Variants in SLC2A9 observed in about 807,000 individuals in gnomAD.
The protein encoded by SLC2A9 is solute carrier family 2 member 9.
In SLC2A9, 39 loss-of-function variants were observed where a neutral mutation model predicts 50.6. That is an observed-to-expected ratio of 0.77 (90% CI 0.60 to 1.01). SLC2A9 has a LOEUF of 1.01. Ranked by LOEUF, SLC2A9 falls within the 50% of genes least tolerant of loss-of-function variation. The pLI is 0.00. For synonymous variants in SLC2A9, 324 were observed against 276.9 expected (o/e 1.17, Z -1.69); for missense variants, 686 against 677.6 (o/e 1.01, Z -0.14).
chr4:9,953,242 G>A (rs1358216638), intron 5 of SLC2A9, among the ~76,000 whole-genome samples: 1 of 152,236 alleles, frequency 6.6e-6, no homozygotes, highest in East Asian at 1.9e-4. Flanking sequence ...GCCATGGGTA[G>A]GAGGTAGAGA....
At chr4:10,003,280 G>T (rs77591295) in intron 2 of SLC2A9, among the ~76,000 whole-genome samples, 1 of 152,322 alleles carries the variant, frequency 6.6e-6, no homozygotes, top group African/African-American at 2.4e-5. Context: ...CCTCAGTAAT[G>T]ACTGGCTTCC....
rs549209329 is a variant in SLC2A9 at position 9,911,493 on chromosome 4, G to T, written c.1003-3148C>A. Reference sequence around the variant, plus strand: ...GAAACTTAAGAGTGCATCCTGCCCCGGAGCCCCGCCAGCCCCCACGGTGTG... The same window carrying T: ...GAAACTTAAGAGTGCATCCTGCCCCTGAGCCCCGCCAGCCCCCACGGTGTG... On this transcript the variant is annotated intron_variant, in intron 7 of 11. Transcript: ENST00000264784. Among the ~76,000 whole-genome samples, 4 of 152,190 alleles carry T rather than the reference G, an allele frequency of 2.6e-5. No homozygotes were observed. In the South Asian group the frequency reaches 8.3e-4, roughly 32 times the overall value.
At chr4:9,772,177 C>T (rs1716911670) in intron 1 of SLC2A9, among the ~76,000 whole-genome samples, 3 of 152,120 alleles carry the variant, frequency 2.0e-5, no homozygotes, top group Admixed American at 2.0e-4. Context: ...GACATCAGCA[C>T]TGAGAGACCT....
chr4:10,009,543 T>G (rs1207153688), intron 2 of SLC2A9: 1 of 152,226 alleles, frequency 6.6e-6, no homozygotes, highest in Non-Finnish European at 1.5e-5. Flanking sequence ...TTGAGTCAAC[T>G]TAATTGCTCT....
chr4:9,841,097 C>T (rs1728006469), intron 10 of SLC2A9, among the ~76,000 whole-genome samples: 3 of 152,214 alleles, frequency 2.0e-5, no homozygotes, highest in Non-Finnish European at 4.4e-5. Flanking sequence ...GGACACAGAA[C>T]CAAATCATAT....
chr4:9,953,282 T>A (rs1289016899), intron 5 of SLC2A9, among the ~76,000 whole-genome samples: 1 of 152,216 alleles, frequency 6.6e-6, no homozygotes, highest in Non-Finnish European at 1.5e-5. Flanking sequence ...GTGCTTCTCC[T>A]GAGGTAACAT....
At position 9,782,474 on chromosome 4, in the gene SLC2A9, A is replaced by G. The variant is rs575640830; in HGVS notation, n.386-2409T>C. 29 of 1,613,918 alleles carry G rather than the reference A, an allele frequency of 1.8e-5. No individual in the cohort carries two copies. The African/African-American group carries it at 3.6e-4, about 20-fold the overall frequency. ...GGCCATCTCCAGGCCCTTCCGCTAC[A>G]AGCGCAAGATGACTCAGCGCATGGC... On this transcript the variant is annotated intron_variant and non_coding_transcript_variant, in intron 3 of 3. Coordinates refer to the SLC2A9 transcript ENST00000503803.
At position 9,783,437 on chromosome 4, in the gene SLC2A9, C is replaced by T. The variant is rs779829910; in HGVS notation, n.386-3372G>A. 11 of 1,611,186 alleles carry T rather than the reference C, an allele frequency of 6.8e-6. No homozygotes were observed. The highest frequency in any genetic ancestry group is 9.3e-6 in the Non-Finnish European group (11 of 1,178,106). ...GGAGATTTCTTTAGACAAAATAACA[C>T]CTTTCACCCCGAATGGATTCCATTA... On this transcript the variant is annotated intron_variant and non_coding_transcript_variant, in intron 3 of 3. Transcript: ENST00000503803.
At chr4:9,985,154 C>T (rs1756499600) in intron 4 of SLC2A9, among the ~76,000 whole-genome samples, 1 of 152,136 alleles carries the variant, frequency 6.6e-6, no homozygotes, top group African/African-American at 2.4e-5. Flanking sequence ...CTAGGACATG[C>T]TACTGTCTAC....
intron 3 of SLC2A9, among the ~76,000 whole-genome samples, chr4:9,812,607 T>C (rs1723036873): frequency 6.6e-6 from 1 of 152,126 alleles, no homozygotes; most frequent in Non-Finnish European, 1.5e-5. Flanking sequence ...GTCTTGCATC[T>C]AGATGCAACA....
At chr4:10,019,311 T>G in intron 1 of SLC2A9, 1 of 567,646 alleles carries the variant, frequency 1.8e-6, no homozygotes, top group Non-Finnish European at 3.2e-6. Context: ...TTGCGTTCCT[T>G]CCGGGTTGCG....
intron 2 of SLC2A9, among the ~76,000 whole-genome samples, chr4:10,010,842 C>T (rs1761641348): frequency 6.6e-6 from 1 of 152,158 alleles, no homozygotes; most frequent in African/African-American, 2.4e-5. Context: ...TATTTTCATT[C>T]ATAACTCCTA....
intron 10 of SLC2A9, among the ~76,000 whole-genome samples, chr4:9,862,819 C>T (rs1731861390): frequency 6.6e-6 from 1 of 152,086 alleles, no homozygotes; most frequent in Non-Finnish European, 1.5e-5. Context: ...TATTTATTAG[C>T]TTACCAGTAA....
rs556747559 is a variant in SLC2A9, at chr4:9,904,259, G to A, written c.1113+3976C>T. Among the ~76,000 whole-genome samples, 8 of 152,266 alleles carry A rather than the reference G, an allele frequency of 5.3e-5. No homozygotes were observed. In the South Asian group the frequency reaches 8.3e-4, roughly 16 times the overall value. On this transcript the variant is annotated intron_variant, in intron 8 of 11. Coordinates refer to ENST00000264784, the MANE Select transcript of SLC2A9 (RefSeq NM_020041.3). ...AGAATAGATCTTGCAGTGCAAACAC[G>A]ATGGTGTCTGCAGGGCTGGTTCCTT...
At chr4:9,905,255 T>C (rs1176687000) in intron 8 of SLC2A9, among the ~76,000 whole-genome samples, 3 of 152,224 alleles carry the variant, frequency 2.0e-5, no homozygotes, top group African/African-American at 4.8e-5. Context: ...TTCCTGCACC[T>C]CTAGAACAGC....
chr4:9,830,540 A>T (rs1377069789), intron 11 of SLC2A9, among the ~76,000 whole-genome samples: 1 of 152,214 alleles, frequency 6.6e-6, no homozygotes, highest in Non-Finnish European at 1.5e-5. Flanking sequence ...AAGAAAAACA[A>T]AAAGCTCAGA....
chr4:9,784,433 T>C (rs1240839616), intron 3 of SLC2A9, among the ~76,000 whole-genome samples: 2 of 152,240 alleles, frequency 1.3e-5, no homozygotes, highest in African/African-American at 4.8e-5. Context: ...TAGAATGACA[T>C]GGCTTTTGAG....
At chr4:9,812,955 T>C (rs551020668) in intron 3 of SLC2A9, among the ~76,000 whole-genome samples, 157 of 152,318 alleles carry the variant, frequency 1.0e-3, no homozygotes, top group African/African-American at 3.7e-3. Context: ...GTGTAAATTA[T>C]AGCAAATATC....
At chr4:9,794,678 TG>T (rs1367184792), downstream of SLC2A9, among the ~76,000 whole-genome samples, 37 of 152,190 alleles carry the variant, frequency 2.4e-4, no homozygotes, top group African/African-American at 8.0e-4. Context: ...TCACAGGCTC[TG>T]AAGATGTAGT....
Sources: gnomAD v4.1 joint callset for allele counts (sites outside exome capture counted in the v4.1 genomes callset) on GRCh38, gnomAD v4.1.1 for gene constraint, MANE v1.5 for transcripts, NCBI Gene and HGNC (gene_info 2026-07-23, HGNC 2026-07-21) for gene names.